Variants in PCDHA5 observed in about 807,000 individuals in gnomAD.
PCDHA5 encodes the protein protocadherin alpha-5.
Under a neutral mutation model 61.6 loss-of-function variants are expected in PCDHA5, and 43 were observed. The observed-to-expected ratio is 0.70, with a 90% CI of 0.55 to 0.90. The LOEUF (loss-of-function observed/expected upper bound fraction) is 0.90, where lower values mean the gene tolerates loss of function less well. Among genes scored for constraint, PCDHA5 ranks in the 40% least tolerant of loss-of-function variants. The pLI, the probability that PCDHA5 is intolerant of heterozygous loss-of-function variation, is 0.00. For synonymous variants in PCDHA5, 627 were observed against 543.9 expected, an observed-to-expected ratio of 1.15 and a Z score of -2.13; for missense variants, 1,298 against 1,222.7, an observed-to-expected ratio of 1.06 and a Z score of -0.92.
At chr5:140,982,447 C>G (rs782801484) in intron 2 of PCDHA5, 28 bp from the exon 3 acceptor site, 1 of 1,613,782 alleles carries the variant, frequency 6.2e-7, no homozygotes, top group South Asian at 1.1e-5. Flanking sequence ...ATGATCTAAC[C>G]GTTATCTGGG....
intron 1 of PCDHA5, among the ~76,000 whole-genome samples, chr5:140,977,932 C>T (rs2096781582): frequency 6.6e-6 from 1 of 151,944 alleles, no homozygotes; most frequent in Non-Finnish European, 1.5e-5. Flanking sequence ...TCAACTATAC[C>T]TCAATATTCA....
intron 1 of PCDHA5, among the ~76,000 whole-genome samples, chr5:140,917,286 C>T (rs155803): frequency 0.32 from 46,630 of 146,510 alleles, 7,654 homozygotes; most frequent in East Asian, 0.52. Context: ...GACGCTTTTC[C>T]GTGTGCAGAT....
intron 3 of PCDHA5, among the ~76,000 whole-genome samples, chr5:140,985,795 A>G (rs2097171299): frequency 7.3e-6 from 1 of 136,386 alleles, no homozygotes; most frequent in African/African-American, 2.8e-5. Context: ...GCTGGAGTGC[A>G]GTGGCACGAT....
intron 1 of PCDHA5, chr5:140,883,610 G>C: frequency 6.2e-7 from 1 of 1,614,046 alleles, no homozygotes; most frequent in Non-Finnish European, 8.5e-7. Flanking sequence ...GGTGGCCGAC[G>C]TGAACGACAA....
chr5:140,875,816 A>C lies in PCDHA5; in HGVS notation c.2352+51689A>C, dbSNP rs570265935. On this transcript the variant is annotated intron_variant, in intron 1 of 3. Coordinates refer to ENST00000529859, the MANE Select transcript of PCDHA5 (RefSeq NM_018908.3). ...GAGGTGATCGTGGACAGGCCGCTGC[A>C]GGTTTTCCATGTGGACGTGGAGGTG... is the stretch of plus-strand genomic sequence containing the variant. 24 of 1,614,198 alleles carry C rather than the reference A, an allele frequency of 1.5e-5. No individual in the cohort carries two copies. The South Asian group carries it at 2.6e-4, about 18-fold the overall frequency.
intron 3 of PCDHA5, among the ~76,000 whole-genome samples, chr5:140,992,185 C>G (rs1554252730): frequency 1.3e-5 from 2 of 152,102 alleles, no homozygotes; most frequent in African/African-American, 4.8e-5. Context: ...ATCATGCTTT[C>G]AGTGATCTAT....
chr5:140,833,525 C>T (rs1216411666), intron 1 of PCDHA5, among the ~76,000 whole-genome samples: 2 of 152,108 alleles, frequency 1.3e-5, no homozygotes, highest in East Asian at 3.8e-4. Flanking sequence ...ATTCATAACA[C>T]ACAAGTGTTC....
chr5:140,955,505 C>T (rs1253768939), intron 1 of PCDHA5, among the ~76,000 whole-genome samples: 2 of 152,152 alleles, frequency 1.3e-5, no homozygotes, highest in African/African-American at 2.4e-5. Flanking sequence ...TGAAGAAAGA[C>T]GTGTTTGCTT....
chr5:140,838,630 TG>T (rs1775811186), intron 1 of PCDHA5, among the ~76,000 whole-genome samples: 3 of 152,046 alleles, frequency 2.0e-5, no homozygotes, highest in African/African-American at 7.3e-5. Flanking sequence ...ACAAATAATT[TG>T]GTTGGTCAAA....
At chr5:140,871,438 C>G (rs1246532449) in intron 1 of PCDHA5, 3 of 1,611,836 alleles carry the variant, frequency 1.9e-6, no homozygotes, top group Middle Eastern at 1.7e-4. Flanking sequence ...TCCTCTAGGT[C>G]TGAATAAAGA....
In PCDHA5 at chr5:140,850,723, G is replaced by A; in HGVS notation, c.2352+26596G>A. ...GGCAAGCCGACGCTGGTGTGTTCTA[G>A]CGCGGTGGGGAGTTGGTCGTACTCG... On this transcript the variant is annotated intron_variant, in intron 1 of 3. Coordinates refer to ENST00000529859, the MANE Select transcript of PCDHA5 (RefSeq NM_018908.3). 17 of 1,598,038 alleles carry A rather than the reference G, an allele frequency of 1.1e-5. 1 individual carries two copies. The highest frequency in any genetic ancestry group is 1.5e-5 in the Non-Finnish European group (17 of 1,167,660).
At chr5:140,966,838 G>A in intron 1 of PCDHA5, 1 of 1,566,774 alleles carries the variant, frequency 6.4e-7, no homozygotes, top group South Asian at 1.2e-5. Context: ...CCTGGCTGCT[G>A]CTACTGCCTC....
intron 1 of PCDHA5, among the ~76,000 whole-genome samples, chr5:140,972,293 C>T (rs912767406): frequency 2.0e-5 from 3 of 151,768 alleles, no homozygotes; most frequent in Non-Finnish European, 4.4e-5. Flanking sequence ...ATGTGCGCCA[C>T]CGTGTCTGAC....
At chr5:140,851,058 T>G in intron 1 of PCDHA5, 1 of 1,377,986 alleles carries the variant, frequency 7.3e-7, no homozygotes, top group African/African-American at 1.5e-5. Context: ...TTGTCTTGAC[T>G]TCTAGTGAGA....
chr5:140,863,527 G>C, intron 1 of PCDHA5: 1 of 392,272 alleles, frequency 2.5e-6, no homozygotes, highest in Non-Finnish European at 5.0e-6. Context: ...CCATGGTTCA[G>C]ATTTTGGAGA....
At chr5:140,860,585 A>G (rs782000527) in intron 1 of PCDHA5, 1 of 152,230 alleles carries the variant, frequency 6.6e-6, no homozygotes, top group African/African-American at 2.4e-5. Flanking sequence ...AAGGTATAGG[A>G]AAGGAGTTGG....
chr5:140,901,244 T>C (rs1166862455), intron 1 of PCDHA5, among the ~76,000 whole-genome samples: 3 of 152,212 alleles, frequency 2.0e-5, no homozygotes, highest in Non-Finnish European at 4.4e-5. Context: ...TTTTTTCCTT[T>C]GGTTCCCTGT....
At chr5:140,927,956 C>G in intron 1 of PCDHA5, 1 of 1,614,224 alleles carries the variant, frequency 6.2e-7, no homozygotes. Flanking sequence ...GACGCTGCCC[C>G]TGGCACAGTG....
At chr5:140,903,149 T>C (rs1329505317) in intron 1 of PCDHA5, among the ~76,000 whole-genome samples, 1 of 152,242 alleles carries the variant, frequency 6.6e-6, no homozygotes, top group Non-Finnish European at 1.5e-5. Context: ...CTGTTTTCCA[T>C]AGTGGTTGTG....
Sources: allele counts gnomAD v4.1 joint callset (sites outside exome capture counted in the v4.1 genomes callset), GRCh38; gene constraint gnomAD v4.1.1; transcripts MANE v1.5; gene names NCBI Gene and HGNC (gene_info 2026-07-23, HGNC 2026-07-21).